The following TECPR2 variants were observed in gnomAD, a reference collection of about 807,000 sequenced individuals.
TECPR2 encodes the protein tectonin beta-propeller repeat containing 2.
TECPR2 carries 65 observed loss-of-function variants against 138.1 expected under a neutral mutation model. That is an observed-to-expected ratio of 0.47 (90% confidence interval 0.39 to 0.58). TECPR2 has a LOEUF of 0.58. Ranked by LOEUF, TECPR2 falls within the 20% of genes least tolerant of loss-of-function variation. The probability of loss-of-function intolerance (pLI) is 0.00; values close to 1 mark genes in which losing one functional copy is unlikely to be tolerated. For synonymous variants in TECPR2, 746 were observed against 749.8 expected (o/e 0.99, Z 0.08); for missense variants, 1,553 against 1,824.5 (o/e 0.85, Z 2.71).
At chr14:102,409,466 A>C (rs1888759879) in intron 4 of TECPR2, among the ~76,000 whole-genome samples, 1 of 151,502 alleles carries the variant, frequency 6.6e-6, no homozygotes, top group African/African-American at 2.4e-5. Flanking sequence ...TGCCCGACTA[A>C]TTTTTGTATT....
intron 17 of TECPR2, among the ~76,000 whole-genome samples, chr14:102,488,086 C>G (rs1297095349): frequency 6.6e-6 from 1 of 152,006 alleles, no homozygotes; most frequent in Non-Finnish European, 1.5e-5. Context: ...TCAGGTGATA[C>G]GCCTGCCTCA....
chr14:102,378,743 G>A (rs2139659094), intron 2 of TECPR2, among the ~76,000 whole-genome samples: 1 of 152,222 alleles, frequency 6.6e-6, no homozygotes, highest in East Asian at 1.9e-4. Context: ...TCCTGCCTCA[G>A]CCTCCAGAGC....
rs191973928 is a variant in TECPR2, at chr14:102,467,596, G to A, written c.3789+2307G>A. Among the ~76,000 whole-genome samples, 6 of 152,080 alleles carry A rather than the reference G, an allele frequency of 3.9e-5. No homozygotes were observed. In the South Asian group the frequency reaches 6.2e-4, roughly 16 times the overall value. ...CTCCCCCGGCCTCCCAAAGTGCTGGGATTACAGGCATGAGCCACTGCGCCT... is the reference window on the plus strand; with the variant it reads ...CTCCCCCGGCCTCCCAAAGTGCTGGAATTACAGGCATGAGCCACTGCGCCT... On this transcript the variant is annotated intron_variant, in intron 17 of 19. Coordinates refer to ENST00000359520, the MANE Select transcript of TECPR2 (RefSeq NM_014844.5).
At chr14:102,449,585 T>G in intron 13 of TECPR2, 44 bp from the exon 14 acceptor site, 1 of 1,609,526 alleles carries the variant, frequency 6.2e-7, no homozygotes. Context: ...TCTACACTTG[T>G]AACTGCTCTG....
chr14:102,466,535 G>A (rs915941356), intron 17 of TECPR2, among the ~76,000 whole-genome samples: 2 of 152,254 alleles, frequency 1.3e-5, no homozygotes, highest in Non-Finnish European at 2.9e-5. Flanking sequence ...AAAGCAAGCC[G>A]CCTGTCGTTA....
At chr14:102,450,742 T>A in intron 15 of TECPR2, 93 bp downstream of exon 15, 1 of 1,307,374 alleles carries the variant, frequency 7.6e-7, no homozygotes, top group Non-Finnish European at 1.1e-6. Flanking sequence ...TTGTTGGTTA[T>A]GGGGCATGCC....
chr14:102,404,043 A>G (rs1431338428), intron 2 of TECPR2, among the ~76,000 whole-genome samples: 1 of 149,732 alleles, frequency 6.7e-6, no homozygotes, highest in East Asian at 2.0e-4. Context: ...GACTACAGGC[A>G]TGCACAACTA....
rs1236348704 is a variant in TECPR2 at position 102,420,771 on chromosome 14, A to G, written c.639-4208A>G. ...CAGGTGTGAGCCACCATGCCCAGCT[A>G]TTCAGCAGTTTTAGAGGCAGCCACT... On this transcript the variant is annotated intron_variant, in intron 5 of 19. Coordinates refer to ENST00000359520, the MANE Select transcript of TECPR2 (RefSeq NM_014844.5). The surrounding 1 kb of genome is among the most constrained non-coding windows in gnomAD (Gnocchi z 4.1). Among the ~76,000 whole-genome samples the G allele has an allele frequency of 6.6e-6, 1 of 152,108 alleles. No individual in the cohort carries two copies. The highest frequency in any genetic ancestry group is 1.9e-4 in the East Asian group (1 of 5,182).
At chr14:102,463,681 C>G (rs902643192) in intron 16 of TECPR2, among the ~76,000 whole-genome samples, 1 of 151,706 alleles carries the variant, frequency 6.6e-6, no homozygotes, top group Non-Finnish European at 1.5e-5. Flanking sequence ...CCCAGCACTT[C>G]GGGAGGCTGA....
In TECPR2 at chr14:102,420,575, C is replaced by T. The variant is rs887586252; in HGVS notation, c.639-4404C>T. 3.9e-5 allele frequency among the ~76,000 whole-genome samples: 6 copies of T among 152,074 alleles called. No homozygotes were observed. The highest frequency in any genetic ancestry group is 2.9e-5 in the Non-Finnish European group (2 of 68,014). ...GCAGCCTTGAACAGCTGGGTTCAGG[C>T]GATCCTCCTCCCTCAGCCTCCCGAG... On this transcript the variant is annotated intron_variant, in intron 5 of 19. Coordinates refer to ENST00000359520, the MANE Select transcript of TECPR2 (RefSeq NM_014844.5). The surrounding 1 kb of genome is among the most constrained non-coding windows in gnomAD (Gnocchi z 4.1).
At chr14:102,474,749 C>T (rs567440484) in intron 17 of TECPR2, among the ~76,000 whole-genome samples, 2 of 152,306 alleles carry the variant, frequency 1.3e-5, no homozygotes, top group South Asian at 2.1e-4. Context: ...AGGGACCCAT[C>T]TTTTGTGGGT....
intron 13 of TECPR2, among the ~76,000 whole-genome samples, chr14:102,447,228 C>T (rs972256640): frequency 1.3e-5 from 2 of 152,140 alleles, no homozygotes; most frequent in East Asian, 3.9e-4. Context: ...GATCACGACC[C>T]ACCTCAGCCT....
At chr14:102,381,254 C>T (rs1240843244) in intron 2 of TECPR2, among the ~76,000 whole-genome samples, 1 of 152,192 alleles carries the variant, frequency 6.6e-6, no homozygotes, top group Non-Finnish European at 1.5e-5. Context: ...AGCCACTGCG[C>T]CTGGCCGATA....
Position 102,393,022 on chromosome 14 carries a change from G to A in TECPR2, c.220-14316G>A, listed in dbSNP as rs74806867. On this transcript the variant is annotated intron_variant, in intron 2 of 19. Transcript: ENST00000359520. ...TTTCCCTAGCTTACTCCTTCACTTA[G>A]GGTTAGGTCCTTGGGATTCTGGCTT... Among the ~76,000 whole-genome samples the A allele has an allele frequency of 2.2e-4, 33 of 152,276 alleles. No homozygotes were observed. The East Asian group carries it at 6.2e-3, about 28-fold the overall frequency.
chr14:102,483,018 T>C (rs1029971895), intron 17 of TECPR2, among the ~76,000 whole-genome samples: 1 of 151,186 alleles, frequency 6.6e-6, no homozygotes, highest in African/African-American at 2.4e-5. Context: ...TAATTTTTTT[T>C]TTTTTTGTAT....
chr14:102,369,777 T>TA (rs1297745218), intron 1 of TECPR2, among the ~76,000 whole-genome samples: 16 of 148,388 alleles, frequency 1.1e-4, no homozygotes, highest in East Asian at 4.0e-4. Context: ...CCGTCTCTAC[T>TA]AAAAAAAACA....
intron 4 of TECPR2, among the ~76,000 whole-genome samples, chr14:102,411,340 G>T (rs931973059): frequency 6.6e-6 from 1 of 152,196 alleles, no homozygotes; most frequent in African/African-American, 2.4e-5. Context: ...TGACTTCCAC[G>T]TACGTATACG....
In TECPR2 at chr14:102,459,802, G is replaced by A. The variant is rs569084556; in HGVS notation, c.3641-5339G>A. Among the ~76,000 whole-genome samples the A allele has an allele frequency of 4.6e-4, 70 of 152,248 alleles. No homozygotes were observed. In the South Asian group the frequency reaches 0.012, roughly 25 times the overall value. The stretch of plus-strand genomic sequence containing the variant: ...AATCTTGTTAGAGATACATTTACAT[G>A]TGTTCTCCCTTCAGCCCTGGTGTTT... On this transcript the variant is annotated intron_variant, in intron 16 of 19. Transcript: ENST00000359520.
At chr14:102,496,910 C>T (rs906892664) in intron 17 of TECPR2, 69 bp from the exon 18 acceptor site, 19 of 1,579,104 alleles carry the variant, frequency 1.2e-5, no homozygotes, top group South Asian at 2.4e-5. Flanking sequence ...TCCCCAGTTC[C>T]GGAAGTCTCC....
Sources: gnomAD v4.1 joint callset for allele counts (sites outside exome capture counted in the v4.1 genomes callset) on GRCh38, gnomAD v4.1.1 for gene constraint, Gnocchi (gnomAD v3.1) non-coding constraint, MANE v1.5 for transcripts, NCBI Gene and HGNC (gene_info 2026-07-23, HGNC 2026-07-21) for gene names.